OCA2: variants seen among roughly 807,000 people sequenced by gnomAD.
OCA2 encodes the protein OCA2 melanosomal transmembrane protein, also known as P protein.
Under a neutral mutation model 100.2 loss-of-function variants are expected in OCA2, and 77 were observed. The ratio of observed to expected loss-of-function variants is 0.77; its 90% CI spans 0.64 to 0.93. The LOEUF (loss-of-function observed/expected upper bound fraction) is 0.93, where lower values mean the gene tolerates loss of function less well. Ranked by LOEUF, OCA2 falls within the 40% of genes least tolerant of loss-of-function variation. The pLI is 0.00. For missense variants in OCA2, 1,062 were observed against 1,089.1 expected (o/e 0.98, Z 0.35); for synonymous variants, 432 against 439.2 (o/e 0.98, Z 0.21).
intron 19 of OCA2, among the ~76,000 whole-genome samples, chr15:27,884,716 T>G (rs1007096002): frequency 1.3e-5 from 2 of 152,248 alleles, no homozygotes; most frequent in African/African-American, 4.8e-5. Flanking sequence ...GAATCATTAT[T>G]GAAAAGCACT....
chr15:27,871,443 C>T (rs2036570143), intron 20 of OCA2, among the ~76,000 whole-genome samples, 185 bp from the exon 21 acceptor site: 1 of 152,216 alleles, frequency 6.6e-6, no homozygotes, highest in Non-Finnish European at 1.5e-5. Flanking sequence ...TGGGTTTCTA[C>T]CAGCAAAGCC....
the OCA2 span, among the ~76,000 whole-genome samples, chr15:27,743,393 A>G: frequency 2.0e-5 from 3 of 152,198 alleles, no homozygotes; most frequent in African/African-American, 7.2e-5. Context: ...CAGGAGAAAC[A>G]TCAGCTACAA....
chr15:27,948,679 C>A (rs1005216731), intron 18 of OCA2, among the ~76,000 whole-genome samples: 14 of 152,006 alleles, frequency 9.2e-5, no homozygotes, highest in Admixed American at 6.6e-5. Context: ...TTGCCCAGGC[C>A]GGTCTCGAAC....
chr15:27,785,579 A>G (rs2032771853), intron 23 of OCA2, among the ~76,000 whole-genome samples: 1 of 152,216 alleles, frequency 6.6e-6, no homozygotes, highest in Non-Finnish European at 1.5e-5. Context: ...AAAAGGTAAG[A>G]AAGAAAAGAA....
chr15:27,838,230 A>G (rs1450182274), intron 23 of OCA2, among the ~76,000 whole-genome samples: 1 of 152,258 alleles, frequency 6.6e-6, no homozygotes, highest in Non-Finnish European at 1.5e-5. Flanking sequence ...TGCTGAGAGC[A>G]GAAAACGACA....
At chr15:27,852,448 T>C (rs2035789360) in intron 21 of OCA2, among the ~76,000 whole-genome samples, 1 of 152,138 alleles carries the variant, frequency 6.6e-6, no homozygotes, top group Non-Finnish European at 1.5e-5. Context: ...ACTTAAACAT[T>C]AGATCTAAAA....
At chr15:27,741,053 C>A in the OCA2 span, among the ~76,000 whole-genome samples, 82 of 152,304 alleles carry the variant, frequency 5.4e-4, no homozygotes, top group African/African-American at 1.7e-3. Flanking sequence ...GAGTGAGCAG[C>A]AAGGCTTTCC....
chr15:27,824,602 C>CTCTCTCTCTATA, intron 23 of OCA2, among the ~76,000 whole-genome samples: 5 of 47,596 alleles, frequency 1.1e-4, no homozygotes, highest in African/African-American at 6.3e-4. Flanking sequence ...CTCTCTCTCT[C>CTCTCTCTCTATA]TATATATATA....
intron 21 of OCA2, among the ~76,000 whole-genome samples, chr15:27,861,771 C>T (rs554862237): frequency 2.1e-4 from 32 of 152,204 alleles, no homozygotes; most frequent in African/African-American, 7.2e-4. Context: ...GACTCCCTTT[C>T]GAAGTGTCTG....
At chr15:27,919,958 T>G (rs2038798807) in intron 19 of OCA2, among the ~76,000 whole-genome samples, 2 of 152,094 alleles carry the variant, frequency 1.3e-5, no homozygotes, top group Admixed American at 1.3e-4. Context: ...ACTTAAGACT[T>G]AAATAGAGCA....
At chr15:28,025,320 CA>C (rs1349689465) in intron 4 of OCA2, among the ~76,000 whole-genome samples, 1 of 152,124 alleles carries the variant, frequency 6.6e-6, no homozygotes, top group Non-Finnish European at 1.5e-5. Flanking sequence ...TCATCAAATA[CA>C]AAAACAAATA....
chr15:27,996,919 G>C (rs1359839254), intron 9 of OCA2, among the ~76,000 whole-genome samples: 1 of 151,718 alleles, frequency 6.6e-6, no homozygotes, highest in African/African-American at 2.4e-5. Flanking sequence ...AAAATGAAGA[G>C]AGAACACTTC....
At chr15:27,910,427 T>C (rs1359608363) in intron 19 of OCA2, among the ~76,000 whole-genome samples, 2 of 152,272 alleles carry the variant, frequency 1.3e-5, no homozygotes, top group Admixed American at 6.5e-5. Context: ...ACAACCTAAA[T>C]GCCTCTATGT....
intron 23 of OCA2, among the ~76,000 whole-genome samples, chr15:27,782,267 A>T (rs1222313535): frequency 6.6e-6 from 1 of 152,212 alleles, no homozygotes; most frequent in Non-Finnish European, 1.5e-5. Flanking sequence ...GCAACCTCAA[A>T]TGAAATGCAA....
At position 27,957,266 on chromosome 15, in the gene OCA2, A is replaced by C. The variant is rs1258681964; in HGVS notation, c.1784+322T>G. On this transcript the variant is annotated intron_variant, in intron 16 of 23. Coordinates refer to ENST00000354638, the MANE Select transcript of OCA2 (RefSeq NM_000275.3). This position sits in a 1 kb window ranked among gnomAD's most constrained non-coding sequence, Gnocchi z 4.3. The stretch of plus-strand genomic sequence containing the variant: ...TTGGTTTTTGTCGTGCAACAATTAC[A>C]ATGTAGAGAGATGGGACAGCCCAGC... 1.3e-5 allele frequency among the ~76,000 whole-genome samples: 2 copies of C among 152,158 alleles called. No homozygotes were observed. The highest frequency in any genetic ancestry group is 2.9e-5 in the Non-Finnish European group (2 of 68,042).
chr15:27,912,651 G>A (rs2038441450), intron 19 of OCA2, among the ~76,000 whole-genome samples: 1 of 152,154 alleles, frequency 6.6e-6, no homozygotes, highest in Non-Finnish European at 1.5e-5. Context: ...TGTATTAATA[G>A]AAGCAATAAG....
intron 2 of OCA2, among the ~76,000 whole-genome samples, chr15:28,035,614 C>G (rs924226704): frequency 1.3e-5 from 2 of 152,162 alleles, no homozygotes; most frequent in Admixed American, 6.5e-5. Context: ...TTGATGAGAT[C>G]TATATTATTC....
intron 23 of OCA2, among the ~76,000 whole-genome samples, chr15:27,778,499 T>G (rs1278073131): frequency 6.6e-6 from 1 of 152,160 alleles, no homozygotes; most frequent in Non-Finnish European, 1.5e-5. Context: ...ATGGTTTGAA[T>G]AGCAAGAGAC....
chr15:27,749,512 T>C, the OCA2 span, among the ~76,000 whole-genome samples: 6 of 152,206 alleles, frequency 3.9e-5, no homozygotes, highest in South Asian at 4.2e-4. Flanking sequence ...AAAAAATATA[T>C]ATTAAAGGCA....
Sources: allele counts gnomAD v4.1 joint callset (sites outside exome capture counted in the v4.1 genomes callset), GRCh38; gene constraint gnomAD v4.1.1; non-coding constraint Gnocchi (gnomAD v3.1); transcripts MANE v1.5; gene names NCBI Gene and HGNC (gene_info 2026-07-23, HGNC 2026-07-21).